The following NAT1 variants were observed in gnomAD, a reference collection of about 807,000 sequenced individuals.
NAT1 encodes N-acetyltransferase 1.
For synonymous variants in NAT1, 144 were observed against 122.6 expected (o/e 1.17, Z -1.16); for missense variants, 400 against 339.2 (o/e 1.18, Z -1.41).
chr8:18,178,820 T>C (rs1285381922), intron 2 of NAT1, among the ~76,000 whole-genome samples: 1 of 152,128 alleles, frequency 6.6e-6, no homozygotes, highest in Non-Finnish European at 1.5e-5. Context: ...TGGGCTCCAT[T>C]CAGTTTCCTC....
At position 18,198,848 on chromosome 8, in the gene NAT1, A is replaced by T. The variant is rs185375502; in HGVS notation, n.93-10933A>T. 1.0e-3 allele frequency among the ~76,000 whole-genome samples: 156 copies of T among 152,324 alleles called. 2 individuals carry two copies. The highest frequency in any genetic ancestry group is 3.6e-3 in the African/African-American group (150 of 41,584). On this transcript the variant is annotated intron_variant and non_coding_transcript_variant, in intron 2 of 4. Transcript: ENST00000517441. ...GTGATGGAAGCTCAGCTTGCAGCAG[A>T]TGTGAAAGTAAAACAACTTGAGTAG...
At chr8:18,182,792 G>C (rs1039826362) in intron 2 of NAT1, among the ~76,000 whole-genome samples, 3 of 152,160 alleles carry the variant, frequency 2.0e-5, no homozygotes, top group Admixed American at 6.6e-5. Flanking sequence ...TTGGGATTTA[G>C]ATGGGGATTT....
intron 1 of NAT1, among the ~76,000 whole-genome samples, chr8:18,211,565 C>G (rs906283016): frequency 2.6e-5 from 4 of 152,160 alleles, no homozygotes; most frequent in Non-Finnish European, 2.9e-5. Flanking sequence ...ATTTGCTTTT[C>G]TGGCCTGGTG....
At chr8:18,193,705 G>A (rs549369315) in intron 2 of NAT1, among the ~76,000 whole-genome samples, 2 of 125,690 alleles carry the variant, frequency 1.6e-5, no homozygotes, top group South Asian at 5.6e-4. Flanking sequence ...GCAATGGTAC[G>A]ATCTCAGCTC....
intron 1 of NAT1, among the ~76,000 whole-genome samples, chr8:18,216,413 C>T (rs1163029366): frequency 6.6e-6 from 1 of 152,136 alleles, no homozygotes; most frequent in African/African-American, 2.4e-5. Context: ...TTGTCTTTTG[C>T]CACTTGACAA....
intron 2 of NAT1, among the ~76,000 whole-genome samples, chr8:18,185,042 A>AT (rs1307961955): frequency 1.3e-5 from 2 of 151,714 alleles, no homozygotes; most frequent in African/African-American, 2.4e-5. Flanking sequence ...TTTAAATGTT[A>AT]TTTTTTTCAG....
intron 2 of NAT1, among the ~76,000 whole-genome samples, chr8:18,190,277 G>C (rs1484399788): frequency 1.3e-5 from 2 of 152,140 alleles, no homozygotes; most frequent in Admixed American, 1.3e-4. Context: ...AACTTTTTCT[G>C]TTCACTCCTG....
chr8:18,194,840 T>A (rs962067393), intron 2 of NAT1, among the ~76,000 whole-genome samples: 4 of 151,450 alleles, frequency 2.6e-5, no homozygotes, highest in Admixed American at 2.6e-4. Flanking sequence ...AAAAAGAATA[T>A]TCAGGCAGAG....
At chr8:18,195,953 T>C (rs760547339) in intron 2 of NAT1, among the ~76,000 whole-genome samples, 1 of 151,946 alleles carries the variant, frequency 6.6e-6, no homozygotes, top group Non-Finnish European at 1.5e-5. Context: ...GCTTGAAGAA[T>C]TGACATACCA....
At chr8:18,174,852 G>A (rs147960093) in intron 2 of NAT1, among the ~76,000 whole-genome samples, 52 of 152,060 alleles carry the variant, frequency 3.4e-4, no homozygotes, top group African/African-American at 1.1e-3. Flanking sequence ...TCCCAAATGC[G>A]AACTCTCATG....
chr8:18,187,059 T>C (rs1186031250), intron 2 of NAT1, among the ~76,000 whole-genome samples: 1 of 152,154 alleles, frequency 6.6e-6, no homozygotes, highest in South Asian at 2.1e-4. Flanking sequence ...CGCCATAACA[T>C]CTTTTGCCAC....
chr8:18,183,064 A>G (rs1159490119), intron 2 of NAT1, among the ~76,000 whole-genome samples: 1 of 152,180 alleles, frequency 6.6e-6, no homozygotes, highest in Non-Finnish European at 1.5e-5. Context: ...TAATTTATAA[A>G]CAGAAATGTA....
chr8:18,188,774 A>G (rs1352256510), intron 2 of NAT1, among the ~76,000 whole-genome samples: 6 of 151,696 alleles, frequency 4.0e-5, no homozygotes, highest in African/African-American at 1.2e-4. Flanking sequence ...AGGCGGGTGG[A>G]TCATGAGGTT....
rs1380163107 is a variant in NAT1 at position 18,193,141 on chromosome 8, C to G, written n.93-16640C>G. Among the ~76,000 whole-genome samples, 3 of 130,356 alleles carry G rather than the reference C, an allele frequency of 2.3e-5. No homozygotes were observed. In the Admixed American group the frequency reaches 2.6e-4, roughly 11 times the overall value. The allele number at this position is 130,356 out of a possible 152,430, so 85.5% of individuals were successfully genotyped here. A position where few individuals can be genotyped will look rare whatever the true frequency, so the allele number is the denominator to read the frequency against. ...TTGCCCAGGTTGGAGTGCAGTGATG[C>G]AATCACGGCTCACTGTAGCCTTGAC... On this transcript the variant is annotated intron_variant and non_coding_transcript_variant, in intron 2 of 4. Transcript: ENST00000517441.
At chr8:18,205,007 C>G (rs1803646222) in intron 2 of NAT1, among the ~76,000 whole-genome samples, 2 of 152,162 alleles carry the variant, frequency 1.3e-5, no homozygotes, top group South Asian at 4.1e-4. Flanking sequence ...TGCCTTGATC[C>G]CTGACTTTGT....
chr8:18,207,717 A>C (rs1803785544), upstream of NAT1, among the ~76,000 whole-genome samples: 1 of 152,196 alleles, frequency 6.6e-6, no homozygotes, highest in Non-Finnish European at 1.5e-5. Context: ...CAATTCCTCA[A>C]AGTCCTAGAA....
intron 1 of NAT1, among the ~76,000 whole-genome samples, chr8:18,215,621 A>AT (rs375529391): frequency 1.8e-4 from 26 of 147,336 alleles, no homozygotes; most frequent in East Asian, 6.0e-4. Flanking sequence ...TACCTGTACA[A>AT]TTTTTTTTTT....
At chr8:18,177,101 T>G (rs1317660831) in intron 2 of NAT1, among the ~76,000 whole-genome samples, 1 of 151,962 alleles carries the variant, frequency 6.6e-6, no homozygotes, top group Non-Finnish European at 1.5e-5. Context: ...CTTTTAACAG[T>G]TTTTTTGGTG....
intron 1 of NAT1, among the ~76,000 whole-genome samples, chr8:18,215,710 A>G (rs1489099890): frequency 6.6e-6 from 1 of 151,840 alleles, no homozygotes; most frequent in African/African-American, 2.4e-5. Flanking sequence ...TTCTAATCCC[A>G]ATCTCACAGT....
Sources: allele counts gnomAD v4.1 joint callset (sites outside exome capture counted in the v4.1 genomes callset), GRCh38; gene constraint gnomAD v4.1.1; transcripts MANE v1.5; gene names NCBI Gene and HGNC (gene_info 2026-07-23, HGNC 2026-07-21).